Variants in PKHD1 observed in about 807,000 individuals in gnomAD.
The protein encoded by PKHD1 is fibrocystin.
A neutral mutation model predicts 412.0 loss-of-function variants in PKHD1; 291 were observed. The observed-to-expected ratio is 0.71, with a 90% CI of 0.64 to 0.78. PKHD1 has a LOEUF of 0.78. PKHD1 is among the 30% of genes least tolerant of loss of function. PKHD1 has a pLI of 0.00. For missense variants in PKHD1, 4,825 were observed against 4,950.7 expected (o/e 0.97, Z 0.76); for synonymous variants, 1,777 against 1,821.5 (o/e 0.98, Z 0.62).
At chr6:51,638,799 C>CAAAAAAAAAAA in intron 64 of PKHD1, 50 bp downstream of exon 64, 3 of 847,892 alleles carry the variant, frequency 3.5e-6, no homozygotes, top group African/African-American at 4.1e-5. Flanking sequence ...ATTATCTTCT[C>CAAAAAAAAAAA]AAAAAAAAAA....
chr6:51,979,759 AT>A (rs1411946784), intron 35 of PKHD1, among the ~76,000 whole-genome samples: 1 of 151,956 alleles, frequency 6.6e-6, no homozygotes, highest in Non-Finnish European at 1.5e-5. Flanking sequence ...TCTCCCCATA[AT>A]TCTGCTGGAT....
At chr6:51,924,070 A>G (rs1785145626) in intron 37 of PKHD1, among the ~76,000 whole-genome samples, 1 of 152,216 alleles carries the variant, frequency 6.6e-6, no homozygotes, top group African/African-American at 2.4e-5. Flanking sequence ...ATAAAGTGCC[A>G]GGATCTAGGT....
At chr6:51,791,181 C>T (rs1562317597) in intron 53 of PKHD1, 55 bp downstream of exon 53, 13 of 1,566,394 alleles carry the variant, frequency 8.3e-6, no homozygotes, top group Non-Finnish European at 6.2e-6. Context: ...TCCCAGAGCC[C>T]CTTCTCACAG....
chr6:51,775,943 T>C (rs766011619), intron 53 of PKHD1, 22 bp from the exon 54 acceptor site: 1 of 1,068,056 alleles, frequency 9.4e-7, no homozygotes, highest in Admixed American at 1.7e-5. Flanking sequence ...GAAAAGTATA[T>C]CATTCAAATC....
At chr6:51,809,551 T>A (rs1764364071) in intron 52 of PKHD1, among the ~76,000 whole-genome samples, 1 of 151,990 alleles carries the variant, frequency 6.6e-6, no homozygotes. Flanking sequence ...ACGTTCTAAT[T>A]TTTTTTAATC....
chr6:52,029,068 G>A (rs1734429422), intron 29 of PKHD1, among the ~76,000 whole-genome samples: 1 of 152,166 alleles, frequency 6.6e-6, no homozygotes, highest in Non-Finnish European at 1.5e-5. Context: ...TGTGAGTTTA[G>A]TAGCTCATAA....
chr6:51,753,560 G>A (rs1786473179), intron 56 of PKHD1, among the ~76,000 whole-genome samples: 1 of 152,196 alleles, frequency 6.6e-6, no homozygotes, highest in African/African-American at 2.4e-5. Context: ...TTTGGGATCA[G>A]AGTCAGAGTG....
chr6:52,032,818 T>C (rs1008973270), intron 29 of PKHD1, among the ~76,000 whole-genome samples: 1 of 152,206 alleles, frequency 6.6e-6, no homozygotes, highest in African/African-American at 2.4e-5. Flanking sequence ...ATGATGGAAA[T>C]GGTCCCATCT....
chr6:51,807,381 T>C (rs1243791870), intron 52 of PKHD1, among the ~76,000 whole-genome samples: 1 of 144,078 alleles, frequency 6.9e-6, no homozygotes, highest in Non-Finnish European at 1.5e-5. Flanking sequence ...GAGGTTGCAG[T>C]GAGCCGAAAT....
chr6:51,637,687 C>A (rs780870717), intron 64 of PKHD1, among the ~76,000 whole-genome samples: 7 of 151,738 alleles, frequency 4.6e-5, no homozygotes, highest in Admixed American at 1.3e-4. Flanking sequence ...AGGCGAATCA[C>A]GAGGTCAGAA....
In PKHD1 at chr6:52,022,800, C is replaced by T. The variant is rs1354626305; in HGVS notation, c.5380+1G>A. ...TATATGTGTGTGGCATCTTTACTCA[C>T]CATCCAGGGGCAGAACCAAGCAGCT... is the stretch of plus-strand genomic sequence containing the variant. On this transcript the variant is annotated splice_donor_variant, in intron 33 of 66. Transcript: ENST00000371117. LOFTEE classifies it high-confidence loss of function. 6.2e-7 allele frequency: 1 copy of T among 1,613,966 alleles called. No individual in the cohort carries two copies. The highest frequency in any genetic ancestry group is 8.5e-7 in the Non-Finnish European group (1 of 1,179,946).
chr6:51,889,161 GA>G (rs1274662073), intron 43 of PKHD1, among the ~76,000 whole-genome samples: 14 of 152,022 alleles, frequency 9.2e-5, no homozygotes, highest in Non-Finnish European at 4.4e-5. Flanking sequence ...GCGAGACAAG[GA>G]ATGTCTGGAG....
At chr6:51,774,653 A>C (rs980050913) in intron 54 of PKHD1, among the ~76,000 whole-genome samples, 5 of 152,006 alleles carry the variant, frequency 3.3e-5, no homozygotes, top group Non-Finnish European at 5.9e-5. Flanking sequence ...GAACTAAGTT[A>C]AGAAACTTCA....
chr6:51,942,145 C>T (rs1446794983), intron 36 of PKHD1, among the ~76,000 whole-genome samples: 2 of 151,352 alleles, frequency 1.3e-5, no homozygotes, highest in Non-Finnish European at 3.0e-5. Context: ...ATCCTAAATC[C>T]TTTCCCCACT....
chr6:51,845,399 C>T (rs969029567), intron 50 of PKHD1, among the ~76,000 whole-genome samples: 1 of 152,180 alleles, frequency 6.6e-6, no homozygotes, highest in Non-Finnish European at 1.5e-5. Context: ...CTATCCACTC[C>T]ATACACTCAG....
chr6:51,938,949 T>C (rs1787976567), intron 36 of PKHD1, among the ~76,000 whole-genome samples: 1 of 151,642 alleles, frequency 6.6e-6, no homozygotes, highest in South Asian at 2.1e-4. Flanking sequence ...TCCTTTCCTT[T>C]TCTGGTGATG....
chr6:51,746,833 T>C lies in PKHD1; in HGVS notation c.9886A>G (p.Ile3296Val), dbSNP rs1472084350. Reference sequence around the variant, plus strand: ...CCACTGTTCTCTGCATTTGGTAGAATGCAGACATCCAGGTCATCGCTATAG... The same window carrying C: ...CCACTGTTCTCTGCATTTGGTAGAACGCAGACATCCAGGTCATCGCTATAG... ...SCYSDDLDVCILPNAENSGIM... is the reference protein window; with the variant it reads ...SCYSDDLDVCVLPNAENSGIM... Residue 3296 changes from isoleucine (I) to valine (V), a missense_variant, in exon 59 of 67, where the codon ATT (isoleucine) becomes GTT (valine). Coordinates refer to ENST00000371117, the MANE Select transcript of PKHD1 (RefSeq NM_138694.4). The C allele has an allele frequency of 3.1e-6, 5 of 1,611,332 alleles. No homozygotes were observed. The highest frequency in any genetic ancestry group is 2.7e-5 in the African/African-American group (2 of 74,886).
rs1464831975 is a variant in PKHD1, at chr6:52,074,601, T to C, written c.449-1060A>G. 4.6e-5 allele frequency among the ~76,000 whole-genome samples: 7 copies of C among 152,196 alleles called. No homozygotes were observed. In the East Asian group the frequency reaches 1.3e-3, roughly 29 times the overall value. ...AGAAATTAGGAATTTCTGTGGGTTTTTGTTTTGTTTCTAAACGAAGATGGC... is the reference window on the plus strand; with the variant it reads ...AGAAATTAGGAATTTCTGTGGGTTTCTGTTTTGTTTCTAAACGAAGATGGC... On this transcript the variant is annotated intron_variant, in intron 6 of 66. Transcript: ENST00000371117.
chr6:51,820,205 C>A (rs1174558616), intron 52 of PKHD1, among the ~76,000 whole-genome samples: 1 of 152,058 alleles, frequency 6.6e-6, no homozygotes, highest in African/African-American at 2.4e-5. Context: ...AAAGGAAACA[C>A]CCCAATGGCA....
Sources: allele counts gnomAD v4.1 joint callset (sites outside exome capture counted in the v4.1 genomes callset), GRCh38; gene constraint gnomAD v4.1.1; transcripts MANE v1.5; gene names NCBI Gene and HGNC (gene_info 2026-07-23, HGNC 2026-07-21).